HERC2: variants seen among roughly 807,000 people sequenced by gnomAD.
HERC2 encodes the protein HECT and RLD domain containing E3 ubiquitin protein ligase 2.
A neutral mutation model predicts 537.7 loss-of-function variants in HERC2; 102 were observed. The ratio of observed to expected loss-of-function variants is 0.19; its 90% CI spans 0.16 to 0.22. HERC2 has a LOEUF of 0.22. Among genes scored for constraint, HERC2 ranks in the 10% least tolerant of loss-of-function variants. HERC2 has a pLI of 1.00. For missense variants in HERC2, 4,236 were observed against 6,198.2 expected (o/e 0.68, Z 10.63); for synonymous variants, 2,224 against 2,466.2 (o/e 0.90, Z 2.91).
At chr15:28,216,100 C>A (rs971954269) in intron 38 of HERC2, among the ~76,000 whole-genome samples, 5 of 151,996 alleles carry the variant, frequency 3.3e-5, no homozygotes, top group African/African-American at 1.2e-4. Context: ...CTTGCCCTGC[C>A]AAATAGCTGG....
At chr15:28,197,890 T>C (rs1897503012) in intron 50 of HERC2, among the ~76,000 whole-genome samples, 1 of 152,186 alleles carries the variant, frequency 6.6e-6, no homozygotes, top group South Asian at 2.1e-4. Flanking sequence ...CCAAAACCCC[T>C]ACTTAACCAT....
intron 25 of HERC2, 92 bp downstream of exon 25, chr15:28,238,022 T>G: frequency 1.2e-6 from 1 of 866,630 alleles, no homozygotes; most frequent in East Asian, 2.4e-5. Flanking sequence ...AAGACCCAGA[T>G]ATCAGTACTT....
At chr15:28,210,119 G>C (rs774120168) in intron 44 of HERC2, among the ~76,000 whole-genome samples, 1 of 150,732 alleles carries the variant, frequency 6.6e-6, no homozygotes, top group African/African-American at 2.4e-5. Context: ...CCACCACTAT[G>C]CCCCACTATT....
intron 4 of HERC2, among the ~76,000 whole-genome samples, chr15:28,284,533 A>G (rs1479662188): frequency 6.6e-6 from 1 of 152,076 alleles, no homozygotes; most frequent in Non-Finnish European, 1.5e-5. Context: ...TGAAAATAGA[A>G]GTATAGAAAA....
rs761645402 is a variant in HERC2, at chr15:28,168,559, C to G, written c.10261G>C (p.Ala3421Pro). 4.3e-6 allele frequency: 7 copies of G among 1,614,000 alleles called. No homozygotes were observed. The highest frequency in any genetic ancestry group is 2.2e-5 in the South Asian group (2 of 91,046). The change falls in exon 67 of 93, where the codon GCC becomes CCC. Residue 3421 changes from alanine to proline, a missense_variant. Ala to Pro is a conservative substitution (Grantham distance 27). This residue lies in a region of HERC2 where 356 missense variants were observed against 450.9 expected (regional missense o/e 0.79). Coordinates refer to ENST00000261609, the MANE Select transcript of HERC2 (RefSeq NM_004667.6). ...DAVVGALMPAAMIAPVECPSF... is the reference protein window; with the variant it reads ...DAVVGALMPAPMIAPVECPSF... ...GGGCACTCCACCGGGGCGATCATGG[C>G]GGCCGGCATCAGGGCCCCGACAACA...
chr15:28,119,272 C>T (rs1487112279), intron 86 of HERC2, among the ~76,000 whole-genome samples: 2 of 151,720 alleles, frequency 1.3e-5, no homozygotes, highest in African/African-American at 2.4e-5. Flanking sequence ...TGGTGGCACA[C>T]GTCTGTAATC....
At chr15:28,292,366 A>G (rs2076340944) in intron 4 of HERC2, among the ~76,000 whole-genome samples, 1 of 152,216 alleles carries the variant, frequency 6.6e-6, no homozygotes, top group South Asian at 2.1e-4. Context: ...AATCAAAACA[A>G]TGAGATGCTG....
At chr15:28,170,322 T>C (rs1245396230) in intron 65 of HERC2, among the ~76,000 whole-genome samples, 1 of 152,162 alleles carries the variant, frequency 6.6e-6, no homozygotes, top group Non-Finnish European at 1.5e-5. Context: ...GGTACTGGCA[T>C]AAGAATCAAT....
At chr15:28,171,958 C>T (rs550463144) in intron 65 of HERC2, among the ~76,000 whole-genome samples, 13 of 149,546 alleles carry the variant, frequency 8.7e-5, no homozygotes, top group East Asian at 1.9e-4. Flanking sequence ...GCCTGTGGTC[C>T]CAGCAACTTG....
Position 28,213,876 on chromosome 15 carries a change from G to A in HERC2, c.6652C>T (p.Arg2218Cys), listed in dbSNP as rs773248002. Residue 2218 changes from arginine (R) to cysteine (C), a missense_variant, in exon 42 of 93, where the codon CGC becomes TGC. This residue lies in a region of HERC2 where 365 missense variants were observed against 468.8 expected (regional missense o/e 0.78). Coordinates refer to ENST00000261609, the MANE Select transcript of HERC2 (RefSeq NM_004667.6). The part of the protein sequence containing the change: ...AVIGGIDGRL[R>C]LGGQVMHDEF... ...TCGTGCATAACTTGACCGCCCAGGC[G>A]CAGGCGACCATCGATGCCTCCAATC... is the stretch of plus-strand genomic sequence containing the variant. 9.3e-6 allele frequency: 15 copies of A among 1,613,920 alleles called. No homozygotes were observed. The highest frequency in any genetic ancestry group is 2.2e-5 in the East Asian group (1 of 44,878).
chr15:28,183,966 T>C (rs1566981357), intron 56 of HERC2, among the ~76,000 whole-genome samples: 1 of 152,126 alleles, frequency 6.6e-6, no homozygotes, highest in Non-Finnish European at 1.5e-5. Flanking sequence ...GGTGGGCAGA[T>C]TCCTTGAGCC....
At chr15:28,315,276 T>C (rs573456322) in intron 2 of HERC2, among the ~76,000 whole-genome samples, 1 of 152,352 alleles carries the variant, frequency 6.6e-6, no homozygotes, top group South Asian at 2.1e-4. Context: ...ACACCCACAC[T>C]CGCCACACCT....
intron 2 of HERC2, among the ~76,000 whole-genome samples, chr15:28,311,969 G>A (rs1458650163): frequency 6.6e-6 from 1 of 152,142 alleles, no homozygotes; most frequent in African/African-American, 2.4e-5. Flanking sequence ...ACCACCTTTC[G>A]ATTATTACCT....
chr15:28,287,450 G>C (rs2076186873), intron 4 of HERC2, among the ~76,000 whole-genome samples: 1 of 152,062 alleles, frequency 6.6e-6, no homozygotes. Context: ...AATAAGCTGG[G>C]CTTTAATCTG....
At chr15:28,200,258 T>C (rs1292880335) in intron 48 of HERC2, among the ~76,000 whole-genome samples, 4 of 152,012 alleles carry the variant, frequency 2.6e-5, no homozygotes, top group Non-Finnish European at 5.9e-5. Flanking sequence ...TAACCAGGCA[T>C]GTGGTGCATG....
chr15:28,211,660 GCAGACAGGTTTATT>G (rs910263894), intron 43 of HERC2, among the ~76,000 whole-genome samples: 2 of 152,044 alleles, frequency 1.3e-5, no homozygotes, highest in African/African-American at 4.8e-5. Flanking sequence ...CAACTAACTG[GCAGACAGGTTTATT>G]CACCACGATG....
chr15:28,230,023 T>TATACTA (rs1368917738), intron 31 of HERC2, among the ~76,000 whole-genome samples, 176 bp from the exon 32 acceptor site: 7 of 152,238 alleles, frequency 4.6e-5, no homozygotes, highest in African/African-American at 1.7e-4. Context: ...TTATAATCTC[T>TATACTA]ATACTAATAT....
chr15:28,192,710 G>A (rs1242723481), intron 52 of HERC2, among the ~76,000 whole-genome samples: 1 of 152,184 alleles, frequency 6.6e-6, no homozygotes, highest in Non-Finnish European at 1.5e-5. Context: ...CGCACACCAC[G>A]GATCAGAGGC....
In HERC2 at chr15:28,144,666, T is replaced by C. The variant is rs757660355; in HGVS notation, c.11140+7A>G. On this transcript the variant is annotated splice_region_variant and intron_variant, in intron 72 of 92. Coordinates refer to ENST00000261609, the MANE Select transcript of HERC2 (RefSeq NM_004667.6). ...CTAACCTTGATCGCCATAAGCCCCT[T>C]CCTTACCAGCAGCTGGCATGATGGG... 14 of 1,614,074 alleles carry C rather than the reference T, an allele frequency of 8.7e-6. No individual in the cohort carries two copies. Among genetic ancestry groups the C allele is most frequent in the Non-Finnish European group, 1.2e-5 (14 of 1,180,012 alleles).
Sources: allele counts gnomAD v4.1 joint callset (sites outside exome capture counted in the v4.1 genomes callset), GRCh38; gene constraint gnomAD v4.1.1; regional missense constraint gnomAD v4.1.1; transcripts MANE v1.5; gene names NCBI Gene and HGNC (gene_info 2026-07-23, HGNC 2026-07-21).